Variants in TASOR observed in about 807,000 individuals in gnomAD.
The protein encoded by TASOR is transcription activation suppressor.
TASOR carries 53 observed loss-of-function variants against 178.6 expected under a neutral mutation model. That is an observed-to-expected ratio of 0.30 (90% CI 0.24 to 0.37). The LOEUF (loss-of-function observed/expected upper bound fraction) is 0.37, where lower values mean the gene tolerates loss of function less well. Among genes scored for constraint, TASOR ranks in the 10% least tolerant of loss-of-function variants. The probability of loss-of-function intolerance (pLI) is 1.00; values close to 1 mark genes in which losing one functional copy is unlikely to be tolerated. For synonymous variants in TASOR, 713 were observed against 696.2 expected (o/e 1.02, Z -0.38); for missense variants, 1,815 against 1,971.4 (o/e 0.92, Z 1.50).
At chr3:56,671,066 C>T (rs1420482868) in intron 3 of TASOR, among the ~76,000 whole-genome samples, 1 of 151,204 alleles carries the variant, frequency 6.6e-6, no homozygotes, top group Non-Finnish European at 1.5e-5. Flanking sequence ...AAAGGCCAGG[C>T]GCGGTGGCTC....
At position 56,621,665 on chromosome 3, in the gene TASOR, A is replaced by C; in HGVS notation, c.*1372T>G. On this transcript the variant is annotated 3_prime_UTR_variant, in exon 24 of 24. Coordinates refer to ENST00000683822, the MANE Select transcript of TASOR (RefSeq NM_001365635.2). Reference sequence around the variant, plus strand: ...ACATTTGATTTGTGTCTTCCAAATTATAAAATGTGCTCACTGGCTCAACTG... The same window carrying C: ...ACATTTGATTTGTGTCTTCCAAATTCTAAAATGTGCTCACTGGCTCAACTG... 1 of 1,314,792 alleles carries C rather than the reference A, an allele frequency of 7.6e-7. No individual in the cohort carries two copies. Among genetic ancestry groups the C allele is most frequent in the Non-Finnish European group, 1.1e-6 (1 of 930,402 alleles). The allele number at this position is 1,314,792 out of a possible 1,614,324, so 81.4% of individuals were successfully genotyped here. A position where few individuals can be genotyped will look rare whatever the true frequency, so the allele number is the denominator to read the frequency against.
Position 56,621,602 on chromosome 3 carries a change from T to G in TASOR, c.*1435A>C. On this transcript the variant is annotated 3_prime_UTR_variant, in exon 24 of 24. Transcript: ENST00000683822. ...TTAGCTGAAAATCAAGAAGAGAGTT[T>G]TGGTTCTTCATTTTAAATGTAGAAA... The G allele has an allele frequency of 2.5e-6, 4 of 1,595,960 alleles. No homozygotes were observed. Among genetic ancestry groups the G allele is most frequent in the Non-Finnish European group, 3.4e-6 (4 of 1,171,010 alleles).
In TASOR at chr3:56,623,948, A is replaced by C. The variant is rs150226106; in HGVS notation, c.4484-382T>G. The C allele has an allele frequency of 1.7e-4, 143 of 849,742 alleles. 1 individual carries two copies. In the Admixed American group the frequency reaches 4.3e-3, roughly 26 times the overall value. The allele number at this position is 849,742 out of a possible 1,614,324, so 52.6% of individuals were successfully genotyped here. On this transcript the variant is annotated intron_variant, in intron 23 of 23. Coordinates refer to ENST00000683822, the MANE Select transcript of TASOR (RefSeq NM_001365635.2). ...TAAACTAGTTGGTTAGCACTAAATG[A>C]ATGATCATTTCTGCTTTTTTTCATC...
chr3:56,649,108 C>CATAA, intron 11 of TASOR, 51 bp from the exon 12 acceptor site: 1 of 1,374,328 alleles, frequency 7.3e-7, no homozygotes, highest in African/African-American at 1.5e-5. Context: ...TATTATTCAC[C>CATAA]ATAAGGCAGA....
chr3:56,671,506 T>C, intron 3 of TASOR, 94 bp downstream of exon 3: 1 of 845,004 alleles, frequency 1.2e-6, no homozygotes, highest in Non-Finnish European at 1.8e-6. Context: ...CAAAAAAGTC[T>C]GTAATTGTAA....
intron 11 of TASOR, among the ~76,000 whole-genome samples, chr3:56,658,214 T>C (rs1034414310): frequency 6.6e-6 from 1 of 152,172 alleles, no homozygotes; most frequent in Non-Finnish European, 1.5e-5. Context: ...TGGGAGTGTA[T>C]CCTTGTAGAA....
Position 56,633,573 on chromosome 3 carries a change from C to T in TASOR, c.3218G>A (p.Gly1073Asp). Residue 1073 changes from glycine (G) to aspartate (D), a missense_variant, in exon 18 of 24, where the codon GGT (glycine) becomes GAT (aspartate). By Grantham distance (94) the Gly-to-Asp change is moderately conservative (BLOSUM62 -1). Around this residue, in one of 5 missense-constraint regions of TASOR, gnomAD observed 655 missense variants for 671.1 expected, o/e 0.98. Transcript: ENST00000683822. ...CAAACCATCTACAAACTCCTGCACA[C>T]CAGCTTTGGAAGTCTTAGAATATAT... ...EFIYSKTSKA[G>D]VQEFVDGLHE... 6.2e-7 allele frequency: 1 copy of T among 1,614,146 alleles called. No individual in the cohort carries two copies. Among genetic ancestry groups the T allele is most frequent in the Non-Finnish European group, 8.5e-7 (1 of 1,180,036 alleles).
chr3:56,657,606 AG>A (rs908737159), intron 11 of TASOR, among the ~76,000 whole-genome samples: 13 of 152,250 alleles, frequency 8.5e-5, no homozygotes, highest in African/African-American at 3.1e-4. Flanking sequence ...GAGAGCATCA[AG>A]TGGGGTAGAT....
chr3:56,661,104 T>C (rs529812576), intron 9 of TASOR, 87 bp from the exon 10 acceptor site: 2 of 787,610 alleles, frequency 2.5e-6, no homozygotes, highest in African/African-American at 3.5e-5. Context: ...GTACACTTGA[T>C]GGAAAATAGA....
chr3:56,671,655 C>T lies in TASOR; in HGVS notation c.515G>A (p.Arg172His), dbSNP rs767550474. ...EKRRELKFDG[R>H]LDKELSESYA... ...GGATTCTGAAAGTTCCTTATCTAAA[C>T]GACCATCAAACTTCAGTTCTCTTCG... The change falls in exon 3 of 24, where the codon CGT becomes CAT. Residue 172 changes from arginine (R) to histidine (H), a missense_variant. Coordinates refer to ENST00000683822, the MANE Select transcript of TASOR (RefSeq NM_001365635.2). The T allele has an allele frequency of 4.5e-6, 7 of 1,549,682 alleles. No homozygotes were observed. Among genetic ancestry groups the T allele is most frequent in the South Asian group, 1.2e-5 (1 of 83,782 alleles).
At chr3:56,659,038 CAA>C (rs1282031299) in intron 11 of TASOR, among the ~76,000 whole-genome samples, 1 of 151,846 alleles carries the variant, frequency 6.6e-6, no homozygotes, top group African/African-American at 2.4e-5. Context: ...GCCTGTAAGT[CAA>C]AGACTCGCAA....
chr3:56,646,013 T>G (rs536323770), intron 14 of TASOR, among the ~76,000 whole-genome samples: 1 of 152,060 alleles, frequency 6.6e-6, no homozygotes, highest in Non-Finnish European at 1.5e-5. Context: ...CCGGGCATGG[T>G]GGCAGGCGCC....
rs1488835834 is a variant in TASOR, at chr3:56,633,739, C to T, written c.3052G>A (p.Glu1018Lys). The change falls in exon 18 of 24, where the codon GAG becomes AAG. Residue 1018 changes from glutamate (E) to lysine (K), a missense_variant. By Grantham distance (56) the Glu-to-Lys change is moderately conservative. Coordinates refer to ENST00000683822, the MANE Select transcript of TASOR (RefSeq NM_001365635.2). ...AEPPAVSETT[E>K]RTVLGEYNLF... ...TTGTACTCTCCTAACACTGTCCTCT[C>T]TGTGGTTTCGCTCACTGCAGGCGGC... is the stretch of plus-strand genomic sequence containing the variant. The T allele has an allele frequency of 1.2e-6, 2 of 1,614,086 alleles. No individual in the cohort carries two copies. The highest frequency in any genetic ancestry group is 1.7e-6 in the Non-Finnish European group (2 of 1,180,038).
chr3:56,625,033 G>A (rs781684557), intron 21 of TASOR, 27 bp from the exon 22 acceptor site: 1 of 1,589,370 alleles, frequency 6.3e-7, no homozygotes, highest in Non-Finnish European at 8.5e-7. Context: ...TTCAGTTTCT[G>A]GATCTGTACT....
At chr3:56,629,703 G>C (rs1187478439) in intron 18 of TASOR, among the ~76,000 whole-genome samples, 1 of 152,184 alleles carries the variant, frequency 6.6e-6, no homozygotes, top group Admixed American at 6.5e-5. Context: ...GCAAACTGCA[G>C]GATCCTGGAG....
At chr3:56,638,184 G>A (rs1165101268) in intron 17 of TASOR, among the ~76,000 whole-genome samples, 1 of 151,964 alleles carries the variant, frequency 6.6e-6, no homozygotes, top group South Asian at 2.1e-4. Context: ...GGCAAACATG[G>A]TGAAATCCCG....
At chr3:56,625,105 C>T (rs745906874) in intron 21 of TASOR, 99 bp from the exon 22 acceptor site, 46 of 1,040,004 alleles carry the variant, frequency 4.4e-5, no homozygotes, top group Non-Finnish European at 6.0e-5. Context: ...ACTGAGGCAA[C>T]TAATGACAAC....
chr3:56,644,010 T>G (rs112069307), intron 14 of TASOR, among the ~76,000 whole-genome samples: 32 of 152,274 alleles, frequency 2.1e-4, no homozygotes, highest in African/African-American at 7.2e-4. Flanking sequence ...AACTATTTTT[T>G]CACATACACA....
intron 9 of TASOR, 121 bp from the exon 10 acceptor site, chr3:56,661,138 C>T: frequency 1.6e-6 from 1 of 639,084 alleles, no homozygotes; most frequent in Non-Finnish European, 2.7e-6. Flanking sequence ...GAATATCTCA[C>T]CTTATTCTAA....
Sources: gnomAD v4.1 joint callset for allele counts (sites outside exome capture counted in the v4.1 genomes callset) on GRCh38, gnomAD v4.1.1 for gene constraint, gnomAD v4.1.1 regional missense constraint, MANE v1.5 for transcripts, NCBI Gene and HGNC (gene_info 2026-07-23, HGNC 2026-07-21) for gene names.